The following VPS41 variants were observed in gnomAD, a reference collection of about 807,000 sequenced individuals.
The protein encoded by VPS41 is vacuolar protein sorting-associated protein 41 homolog.
VPS41 carries 85 observed loss-of-function variants against 130.9 expected under a neutral mutation model. The observed-to-expected ratio is 0.65, with a 90% CI of 0.55 to 0.78. The LOEUF (loss-of-function observed/expected upper bound fraction) is 0.78. VPS41 is among the 30% of genes least tolerant of loss of function. The pLI, the probability that VPS41 is intolerant of heterozygous loss-of-function variation, is 0.00. For synonymous variants in VPS41, 335 were observed against 332.9 expected (o/e 1.01, Z -0.07); for missense variants, 874 against 1,018.7 (o/e 0.86, Z 1.93).
At chr7:38,812,420 T>G (rs1212212982) in intron 7 of VPS41, among the ~76,000 whole-genome samples, 2 of 151,862 alleles carry the variant, frequency 1.3e-5, no homozygotes, top group African/African-American at 2.4e-5. Flanking sequence ...AATTTAAGAG[T>G]AAAAAATACA....
intron 22 of VPS41, among the ~76,000 whole-genome samples, chr7:38,750,698 T>C (rs1184470430): frequency 6.6e-6 from 1 of 152,152 alleles, no homozygotes; most frequent in African/African-American, 2.4e-5. Flanking sequence ...CACTGAGTAC[T>C]ACTAGACCCG....
rs756061300 is a variant in VPS41, at chr7:38,796,911, T to C, written c.451-47A>G. ...AAAGAATCTTAGAAACTGAAAATAA[T>C]GTATCAGGTTCTTTACTTACTAGTT... is the stretch of plus-strand genomic sequence containing the variant. On this transcript the variant is annotated intron_variant, in intron 7 of 28. Transcript: ENST00000310301. The C allele has an allele frequency of 1.1e-5, 17 of 1,610,096 alleles. No homozygotes were observed. The South Asian group carries it at 1.5e-4, about 15-fold the overall frequency.
chr7:38,833,028 G>A (rs1785423103), intron 4 of VPS41, among the ~76,000 whole-genome samples: 1 of 152,018 alleles, frequency 6.6e-6, no homozygotes, highest in African/African-American at 2.4e-5. Flanking sequence ...CTCAGTTAAT[G>A]CCTTCTGCTT....
At chr7:38,816,489 T>C (rs573427020) in intron 7 of VPS41, among the ~76,000 whole-genome samples, 1 of 152,336 alleles carries the variant, frequency 6.6e-6, no homozygotes, top group South Asian at 2.1e-4. Flanking sequence ...AGCCATTCCA[T>C]AGCTCTATAC....
chr7:38,870,887 C>G (rs1584437773), intron 2 of VPS41, among the ~76,000 whole-genome samples: 1 of 142,074 alleles, frequency 7.0e-6, no homozygotes, highest in Non-Finnish European at 1.5e-5. Context: ...ATTAAGAAGT[C>G]AATAGATGGT....
intron 10 of VPS41, among the ~76,000 whole-genome samples, chr7:38,777,349 A>C (rs545219068): frequency 7.8e-6 from 1 of 127,442 alleles, no homozygotes; most frequent in South Asian, 2.8e-4. Context: ...GCTAGAGAAA[A>C]ATAATAAATT....
At chr7:38,854,985 C>T (rs963822362) in intron 4 of VPS41, among the ~76,000 whole-genome samples, 5 of 151,324 alleles carry the variant, frequency 3.3e-5, no homozygotes, top group Non-Finnish European at 5.9e-5. Flanking sequence ...CCGAGGTGGG[C>T]GGATCATGAG....
chr7:38,730,325 C>T (rs1215733736), intron 25 of VPS41, among the ~76,000 whole-genome samples: 3 of 152,234 alleles, frequency 2.0e-5, no homozygotes, highest in Admixed American at 1.3e-4. Context: ...CAGTGGTCCA[C>T]GTGTTCCTCT....
At chr7:38,786,295 G>A (rs989727519) in intron 10 of VPS41, among the ~76,000 whole-genome samples, 3 of 152,146 alleles carry the variant, frequency 2.0e-5, no homozygotes, top group African/African-American at 4.8e-5. Context: ...GATAGTAGCC[G>A]CTACCCACTC....
At chr7:38,864,941 T>C (rs1259969388) in intron 3 of VPS41, among the ~76,000 whole-genome samples, 1 of 152,010 alleles carries the variant, frequency 6.6e-6, no homozygotes, top group East Asian at 1.9e-4. Flanking sequence ...GTAACTTAAG[T>C]AACTGATAAA....
At chr7:38,733,265 T>C (rs921132491) in intron 25 of VPS41, among the ~76,000 whole-genome samples, 2 of 152,244 alleles carry the variant, frequency 1.3e-5, no homozygotes, top group Non-Finnish European at 2.9e-5. Flanking sequence ...AGTAAACTTT[T>C]ACAACTTATT....
chr7:38,879,259 C>T (rs1786552234), intron 2 of VPS41, among the ~76,000 whole-genome samples: 1 of 152,164 alleles, frequency 6.6e-6, no homozygotes, highest in African/African-American at 2.4e-5. Flanking sequence ...CCCCCGGGTG[C>T]CTGGTTTTGC....
At chr7:38,882,599 G>A (rs1786637599) in intron 2 of VPS41, among the ~76,000 whole-genome samples, 1 of 152,136 alleles carries the variant, frequency 6.6e-6, no homozygotes, top group African/African-American at 2.4e-5. Flanking sequence ...AATATGCAAA[G>A]TAGAACTTCC....
chr7:38,802,817 GA>G (rs928701350), intron 7 of VPS41, among the ~76,000 whole-genome samples: 11 of 152,152 alleles, frequency 7.2e-5, no homozygotes, highest in African/African-American at 2.6e-4. Flanking sequence ...GTAAGCCATT[GA>G]AAAAAACTAC....
intron 1 of VPS41, 123 bp downstream of exon 1, chr7:38,909,031 C>T (rs1475286885): frequency 2.5e-6 from 3 of 1,222,290 alleles, no homozygotes; most frequent in Non-Finnish European, 3.6e-6. Context: ...CCCGCCCTGC[C>T]GCGGACCTGC....
intron 2 of VPS41, among the ~76,000 whole-genome samples, chr7:38,893,876 G>T (rs1044172046): frequency 1.3e-5 from 2 of 152,084 alleles, no homozygotes; most frequent in African/African-American, 4.8e-5. Context: ...CAAGAGTAAT[G>T]AAAAACATAC....
intron 1 of VPS41, among the ~76,000 whole-genome samples, chr7:38,905,226 T>C (rs1787233889): frequency 1.3e-5 from 2 of 152,168 alleles, no homozygotes; most frequent in South Asian, 2.1e-4. Flanking sequence ...CAGCAATCTC[T>C]AGGAGAGATA....
At chr7:38,726,412 C>T in intron 28 of VPS41, 86 bp from the exon 29 acceptor site, 2 of 1,036,932 alleles carry the variant, frequency 1.9e-6, no homozygotes, top group Admixed American at 3.9e-5. Flanking sequence ...TAGCGTTAGT[C>T]AGGGGGTGGA....
chr7:38,861,390 A>G (rs1018502466), intron 4 of VPS41, among the ~76,000 whole-genome samples: 1 of 152,192 alleles, frequency 6.6e-6, no homozygotes, highest in Non-Finnish European at 1.5e-5. Context: ...ATGGATGGCA[A>G]CTGAAATACC....
Sources: gnomAD v4.1 joint callset for allele counts (sites outside exome capture counted in the v4.1 genomes callset) on GRCh38, gnomAD v4.1.1 for gene constraint, MANE v1.5 for transcripts, NCBI Gene and HGNC (gene_info 2026-07-23, HGNC 2026-07-21) for gene names.